The following NTM variants were observed in gnomAD, a reference collection of about 807,000 sequenced individuals.
NTM encodes the protein IgLON family member 2.
A neutral mutation model predicts 42.1 loss-of-function variants in NTM; 13 were observed. The ratio of observed to expected loss-of-function variants is 0.31; its 90% confidence interval spans 0.20 to 0.49. The LOEUF is 0.49. Ranked by LOEUF, NTM falls within the 20% of genes least tolerant of loss-of-function variation. The pLI, the probability that NTM is intolerant of heterozygous loss-of-function variation, is 0.99. For missense variants in NTM, 373 were observed against 452.8 expected, an observed-to-expected ratio of 0.82 and a Z score of 1.60; for synonymous variants, 187 against 179.2, an observed-to-expected ratio of 1.04 and a Z score of -0.35.
At chr11:132,283,599 A>C (rs531031117) in intron 4 of NTM, among the ~76,000 whole-genome samples, 1 of 152,276 alleles carries the variant, frequency 6.6e-6, no homozygotes, top group East Asian at 1.9e-4. Flanking sequence ...ATCTTAAAAA[A>C]ATATTTGCAT....
chr11:131,680,318 G>T (rs1417063014), intron 1 of NTM, among the ~76,000 whole-genome samples: 4 of 150,854 alleles, frequency 2.7e-5, no homozygotes, highest in African/African-American at 9.8e-5. Flanking sequence ...CTTTTCTGTG[G>T]ATTTGAGCAC....
intron 2 of NTM, among the ~76,000 whole-genome samples, chr11:131,955,447 G>A (rs1320776602): frequency 6.6e-6 from 1 of 152,108 alleles, no homozygotes; most frequent in Admixed American, 6.5e-5. Flanking sequence ...AGGAATTAGC[G>A]AGAAAATGAT....
intron 2 of NTM, among the ~76,000 whole-genome samples, chr11:132,139,845 T>C (rs1405981179): frequency 6.6e-6 from 1 of 152,196 alleles, no homozygotes; most frequent in Non-Finnish European, 1.5e-5. Flanking sequence ...TGGACAGATA[T>C]TTATTGTGTG....
intron 2 of NTM, among the ~76,000 whole-genome samples, chr11:131,920,361 G>A (rs2057042677): frequency 1.3e-5 from 2 of 152,242 alleles, no homozygotes; most frequent in African/African-American, 2.4e-5. Context: ...GAGTGGTGAT[G>A]GTGAAAATAG....
At chr11:131,794,096 GGGACAT>G (rs2136171386) in intron 1 of NTM, among the ~76,000 whole-genome samples, 1 of 152,316 alleles carries the variant, frequency 6.6e-6, no homozygotes, top group African/African-American at 2.4e-5. Flanking sequence ...TCTCCAGGCA[GGGACAT>G]GCTGCTTGTC....
At chr11:131,520,723 T>C (rs1287577038) in intron 1 of NTM, among the ~76,000 whole-genome samples, 3 of 150,006 alleles carry the variant, frequency 2.0e-5, no homozygotes, top group East Asian at 3.9e-4. Context: ...CTCTACGACT[T>C]AGAAGCTTTA....
At chr11:131,931,467 ACG>A (rs1491115757) in intron 2 of NTM, among the ~76,000 whole-genome samples, 760 of 68,016 alleles carry the variant, frequency 0.011, 7 homozygotes, top group African/African-American at 0.032. Context: ...AATAATATAT[ACG>A]TGTGTGTGTG....
chr11:131,524,013 G>A (rs1228059831), intron 1 of NTM, among the ~76,000 whole-genome samples: 2 of 152,090 alleles, frequency 1.3e-5, no homozygotes, highest in African/African-American at 2.4e-5. Context: ...GCAATAATTC[G>A]GGTAGTGTGC....
At chr11:131,972,533 T>G (rs557789741) in intron 2 of NTM, among the ~76,000 whole-genome samples, 2 of 152,324 alleles carry the variant, frequency 1.3e-5, no homozygotes, top group East Asian at 3.9e-4. Flanking sequence ...GTGAGCCAGT[T>G]TTCCAGTATC....
At chr11:131,723,567 C>T (rs1404996255) in intron 1 of NTM, among the ~76,000 whole-genome samples, 3 of 152,170 alleles carry the variant, frequency 2.0e-5, no homozygotes, top group African/African-American at 7.2e-5. Flanking sequence ...ATCCATCTTT[C>T]TTTCCTTCAT....
intron 2 of NTM, among the ~76,000 whole-genome samples, chr11:131,959,238 G>A (rs918314698): frequency 6.6e-6 from 1 of 152,154 alleles, no homozygotes; most frequent in Non-Finnish European, 1.5e-5. Flanking sequence ...GAAGAGAGGT[G>A]TTCTCTTTAT....
intron 3 of NTM, among the ~76,000 whole-genome samples, chr11:132,152,284 C>T (rs967464894): frequency 6.6e-6 from 1 of 152,196 alleles, no homozygotes; most frequent in African/African-American, 2.4e-5. Flanking sequence ...ACCAACACTT[C>T]CCATTCAAGC....
chr11:131,735,159 G>A (rs1226760735), intron 1 of NTM, among the ~76,000 whole-genome samples: 1 of 152,214 alleles, frequency 6.6e-6, no homozygotes, highest in African/African-American at 2.4e-5. Context: ...ATGAGGAAAA[G>A]CAAACGTTTT....
intron 2 of NTM, among the ~76,000 whole-genome samples, chr11:132,116,131 C>T (rs1204023655): frequency 1.3e-5 from 2 of 152,212 alleles, no homozygotes; most frequent in Non-Finnish European, 2.9e-5. Flanking sequence ...CTTGGTTGCA[C>T]ATGTGATGCA....
chr11:131,496,583 G>A (rs1955370016), intron 1 of NTM, among the ~76,000 whole-genome samples: 1 of 152,208 alleles, frequency 6.6e-6, no homozygotes, highest in Non-Finnish European at 1.5e-5. Context: ...GCAGCTCTGG[G>A]AGCCATAGGC....
chr11:131,920,258 G>A (rs1488756151), intron 2 of NTM, among the ~76,000 whole-genome samples: 1 of 152,136 alleles, frequency 6.6e-6, no homozygotes, highest in African/African-American at 2.4e-5. Flanking sequence ...TGGGGAAGAG[G>A]TAGTTTAAGA....
intron 3 of NTM, among the ~76,000 whole-genome samples, chr11:132,167,254 A>C: frequency 6.6e-6 from 1 of 151,824 alleles, no homozygotes; most frequent in East Asian, 1.9e-4. Flanking sequence ...TTTGTTTTGT[A>C]GAGATGGGAT....
chr11:131,762,442 C>T (rs545153801), intron 1 of NTM, among the ~76,000 whole-genome samples: 10 of 152,316 alleles, frequency 6.6e-5, no homozygotes, highest in South Asian at 4.1e-4. Flanking sequence ...TCTTCATCCC[C>T]GTAGCATAGG....
At chr11:131,424,762 G>C (rs1473447300) in intron 1 of NTM, among the ~76,000 whole-genome samples, 1 of 140,792 alleles carries the variant, frequency 7.1e-6, no homozygotes, top group Non-Finnish European at 1.5e-5. Flanking sequence ...GTAGAGACAG[G>C]GTTTCACCGT....
Sources: gnomAD v4.1 joint callset for allele counts (sites outside exome capture counted in the v4.1 genomes callset) on GRCh38, gnomAD v4.1.1 for gene constraint, MANE v1.5 for transcripts, NCBI Gene and HGNC (gene_info 2026-07-23, HGNC 2026-07-21) for gene names.